The following MDGA2 variants were observed in gnomAD, a reference collection of about 807,000 sequenced individuals.
MDGA2 encodes MAM domain containing glycosylphosphatidylinositol anchor 2.
In MDGA2, 40 loss-of-function variants were observed where a neutral mutation model predicts 117.8. That is an observed-to-expected ratio of 0.34 (90% CI 0.26 to 0.44). The LOEUF is 0.44. MDGA2 is among the 20% of genes least tolerant of loss of function. MDGA2 has a pLI of 1.00. For synonymous variants in MDGA2, 452 were observed against 439.0 expected (o/e 1.03, Z -0.37); for missense variants, 1,123 against 1,250.6 (o/e 0.90, Z 1.54).
At chr14:47,267,727 C>T (rs2139692450) in intron 2 of MDGA2, among the ~76,000 whole-genome samples, 1 of 152,118 alleles carries the variant, frequency 6.6e-6, no homozygotes, top group South Asian at 2.1e-4. Flanking sequence ...AAATTTTAAA[C>T]TTAAATTTTG....
intron 2 of MDGA2, among the ~76,000 whole-genome samples, chr14:47,255,769 G>A (rs1887597061): frequency 6.6e-6 from 1 of 151,944 alleles, no homozygotes; most frequent in Non-Finnish European, 1.5e-5. Context: ...ACCCAATGCA[G>A]TTCTAACATA....
At chr14:47,212,132 T>C (rs1439904340) in intron 3 of MDGA2, among the ~76,000 whole-genome samples, 1 of 152,178 alleles carries the variant, frequency 6.6e-6, no homozygotes, top group African/African-American at 2.4e-5. Flanking sequence ...AAGAGTTTTA[T>C]TCTAAAAAGT....
At chr14:46,950,185 C>CAGG (rs1349837095) in intron 9 of MDGA2, among the ~76,000 whole-genome samples, 9 of 151,858 alleles carry the variant, frequency 5.9e-5, no homozygotes, top group African/African-American at 2.2e-4. Context: ...GCATTAACTT[C>CAGG]ATTAAGTGAT....
At chr14:47,369,543 C>G (rs571573920) in intron 1 of MDGA2, among the ~76,000 whole-genome samples, 2 of 152,196 alleles carry the variant, frequency 1.3e-5, no homozygotes, top group South Asian at 4.2e-4. Flanking sequence ...CACCCTCCAC[C>G]CTGCAGTCCT....
At chr14:47,643,943 T>C (rs1472042246) in intron 1 of MDGA2, among the ~76,000 whole-genome samples, 2 of 152,162 alleles carry the variant, frequency 1.3e-5, no homozygotes, top group South Asian at 2.1e-4. Context: ...GTATAATTTA[T>C]ATAGTGAAAA....
At chr14:47,547,252 G>C (rs746764481) in intron 1 of MDGA2, among the ~76,000 whole-genome samples, 6 of 152,118 alleles carry the variant, frequency 3.9e-5, no homozygotes, top group Non-Finnish European at 8.8e-5. Flanking sequence ...GAGGGCCAGG[G>C]CAACAATAAA....
chr14:47,519,069 T>G (rs994078002), intron 1 of MDGA2, among the ~76,000 whole-genome samples: 2 of 151,780 alleles, frequency 1.3e-5, no homozygotes, highest in African/African-American at 4.8e-5. Flanking sequence ...CCAGGAGTGG[T>G]GGTGGGTGCC....
chr14:47,250,391 T>C (rs1486004152), intron 2 of MDGA2, among the ~76,000 whole-genome samples: 1 of 152,242 alleles, frequency 6.6e-6, no homozygotes, highest in Non-Finnish European at 1.5e-5. Context: ...TTATTTATAA[T>C]TTAATGAGTT....
chr14:47,105,208 G>A (rs1176685700), intron 5 of MDGA2, among the ~76,000 whole-genome samples: 2 of 152,106 alleles, frequency 1.3e-5, no homozygotes, highest in African/African-American at 4.8e-5. Flanking sequence ...GGCAAGTCCT[G>A]CTTTCCTAGG....
At chr14:47,094,410 G>GA (rs1335563022) in intron 6 of MDGA2, among the ~76,000 whole-genome samples, 1 of 151,970 alleles carries the variant, frequency 6.6e-6, no homozygotes, top group Non-Finnish European at 1.5e-5. Flanking sequence ...GTAGAGAGGA[G>GA]AAAATCATAC....
At chr14:46,896,786 T>C (rs1261166875) in intron 10 of MDGA2, among the ~76,000 whole-genome samples, 1 of 152,164 alleles carries the variant, frequency 6.6e-6, no homozygotes, top group African/African-American at 2.4e-5. Flanking sequence ...TTAATGAATA[T>C]ATAGGACAAT....
chr14:47,407,502 T>C (rs936406604), intron 1 of MDGA2, among the ~76,000 whole-genome samples: 1 of 152,196 alleles, frequency 6.6e-6, no homozygotes, highest in South Asian at 2.1e-4. Context: ...AATTCCATGA[T>C]ATCTTCAAAT....
chr14:47,494,875 A>AT (rs200627387), intron 1 of MDGA2, among the ~76,000 whole-genome samples: 1 of 105,746 alleles, frequency 9.5e-6, no homozygotes, highest in Non-Finnish European at 2.1e-5. Flanking sequence ...TTAAAATGTG[A>AT]TTATATATAT....
At chr14:47,122,790 G>A (rs927899228) in intron 5 of MDGA2, among the ~76,000 whole-genome samples, 5 of 151,922 alleles carry the variant, frequency 3.3e-5, no homozygotes, top group African/African-American at 1.2e-4. Flanking sequence ...AAAGAACCAA[G>A]CTGTGGTCTA....
At chr14:46,877,112 A>G (rs1882262424) in intron 12 of MDGA2, among the ~76,000 whole-genome samples, 2 of 151,600 alleles carry the variant, frequency 1.3e-5, no homozygotes, top group African/African-American at 4.8e-5. Context: ...ATACTCTTTT[A>G]TAAGTGGAAT....
At chr14:47,271,241 CTTT>C (rs1295348311) in intron 2 of MDGA2, among the ~76,000 whole-genome samples, 9 of 152,142 alleles carry the variant, frequency 5.9e-5, no homozygotes, top group Admixed American at 2.6e-4. Flanking sequence ...CGAATTCCTT[CTTT>C]TTATTTTTAA....
chr14:46,941,792 T>G (rs1375127159), intron 9 of MDGA2, among the ~76,000 whole-genome samples: 2 of 152,206 alleles, frequency 1.3e-5, no homozygotes, highest in Non-Finnish European at 2.9e-5. Context: ...TTAGAAAGTT[T>G]CTTTTCTCTC....
At chr14:46,934,896 C>G (rs972504162) in intron 9 of MDGA2, among the ~76,000 whole-genome samples, 37 of 152,102 alleles carry the variant, frequency 2.4e-4, no homozygotes, top group Admixed American at 6.6e-5. Context: ...ATAGCTATGA[C>G]ATGCTGCATT....
chr14:46,939,459 T>C (rs377152419), intron 9 of MDGA2, among the ~76,000 whole-genome samples: 170 of 152,306 alleles, frequency 1.1e-3, no homozygotes, highest in African/African-American at 3.9e-3. Context: ...TTTCTATTCA[T>C]GACCTTGTAA....
Sources: allele counts gnomAD v4.1 joint callset (sites outside exome capture counted in the v4.1 genomes callset), GRCh38; gene constraint gnomAD v4.1.1; transcripts MANE v1.5; gene names NCBI Gene and HGNC (gene_info 2026-07-23, HGNC 2026-07-21).